Variants in PLAC8L1 observed in about 807,000 individuals in gnomAD.
PLAC8L1 encodes the protein PLAC8-like protein 1.
A neutral mutation model predicts 16.3 loss-of-function variants in PLAC8L1; 13 were observed. That is an observed-to-expected ratio of 0.80 (90% CI 0.52 to 1.27). The LOEUF (loss-of-function observed/expected upper bound fraction) is 1.27, where lower values mean the gene tolerates loss of function less well. Ranked by LOEUF, PLAC8L1 falls within the 50% of genes most tolerant of loss-of-function variation. The probability of loss-of-function intolerance (pLI) is 0.00; values close to 1 mark genes in which losing one functional copy is unlikely to be tolerated. For missense variants in PLAC8L1, 184 were observed against 220.2 expected (o/e 0.84, Z 1.04); for synonymous variants, 78 against 79.3 (o/e 0.98, Z 0.09).
intron 2 of PLAC8L1, among the ~76,000 whole-genome samples, chr5:146,090,434 T>C (rs930489343): frequency 3.4e-5 from 5 of 148,254 alleles, no homozygotes; most frequent in African/African-American, 5.0e-5. Context: ...ACTCAGGAGG[T>C]TGAGGTGGAA....
At position 146,086,024 on chromosome 5, in the gene PLAC8L1, C is replaced by CTTTTTTT. The variant is rs58130114; in HGVS notation, c.257-434_257-428dup. ...ATTTCTATAAGTGTAATTGAAAGGT[C>CTTTTTTT]TTTTTTTTTTTTTTTTTTTTTTTGA... On this transcript the variant is annotated intron_variant, in intron 2 of 3. Transcript: ENST00000311450. Among the ~76,000 whole-genome samples the CTTTTTTT allele has an allele frequency of 9.5e-3, 862 of 90,384 alleles. 38 individuals carry two copies. Among genetic ancestry groups the CTTTTTTT allele is most frequent in the Non-Finnish European group, 0.012 (583 of 49,930 alleles). The allele number at this position is 90,384 out of a possible 152,430, so 59.3% of individuals were successfully genotyped here. A position where few individuals can be genotyped will look rare whatever the true frequency, so the allele number is the denominator to read the frequency against.
Position 146,097,749 on chromosome 5 carries a change from T to G in PLAC8L1, c.256+407A>C, listed in dbSNP as rs761533547. 2.8e-4 allele frequency among the ~76,000 whole-genome samples: 43 copies of G among 152,348 alleles called. No individual in the cohort carries two copies. In the Middle Eastern group the frequency reaches 0.017, roughly 60 times the overall value. On this transcript the variant is annotated intron_variant, in intron 2 of 3. Transcript: ENST00000311450. ...AAATTTAATGTTCCTGCTAAATCTT[T>G]GCACATGATTTATTTCCTTAAACTC...
intron 2 of PLAC8L1, among the ~76,000 whole-genome samples, chr5:146,091,826 GA>G (rs1410031697): frequency 6.6e-6 from 1 of 151,932 alleles, no homozygotes; most frequent in Admixed American, 6.6e-5. Context: ...ACAATTAAAA[GA>G]AGGGAAATGA....
At chr5:146,091,705 G>A (rs1046139139) in intron 2 of PLAC8L1, among the ~76,000 whole-genome samples, 1 of 152,066 alleles carries the variant, frequency 6.6e-6, no homozygotes, top group Non-Finnish European at 1.5e-5. Flanking sequence ...TAGAGGCTGA[G>A]GCAAGAGGAT....
rs111901335 is a variant in PLAC8L1, at chr5:146,087,832, T to G, written c.257-2235A>C. On this transcript the variant is annotated intron_variant, in intron 2 of 3. Coordinates refer to ENST00000311450, the MANE Select transcript of PLAC8L1 (RefSeq NM_001029869.3). ...TGCTTCTGGGGAGGCCTCAGAAAAC[T>G]TACAAACATGGTGGAAGGCTAAGGA... Among the ~76,000 whole-genome samples the G allele has an allele frequency of 2.6e-3, 392 of 152,274 alleles. 2 individuals are homozygous for G. The highest frequency in any genetic ancestry group is 8.7e-3 in the African/African-American group (360 of 41,548).
chr5:146,091,471 AT>A (rs1394573630), intron 2 of PLAC8L1, among the ~76,000 whole-genome samples: 2 of 152,208 alleles, frequency 1.3e-5, no homozygotes, highest in Non-Finnish European at 2.9e-5. Context: ...GCACAGCATA[AT>A]ACATAATACC....
rs1228008314 is a variant in PLAC8L1, at chr5:146,092,816, G to A, written c.256+5340C>T. ...CTCCCAAAGTGCTGGGATTACAGGC[G>A]AGAGCCACCGCACCCGGCCGAATTT... On this transcript the variant is annotated intron_variant, in intron 2 of 3. Coordinates refer to ENST00000311450, the MANE Select transcript of PLAC8L1 (RefSeq NM_001029869.3). 2.6e-5 allele frequency among the ~76,000 whole-genome samples: 4 copies of A among 152,166 alleles called. No homozygotes were observed. In the South Asian group the frequency reaches 6.2e-4, roughly 24 times the overall value.
intron 2 of PLAC8L1, among the ~76,000 whole-genome samples, chr5:146,094,859 C>G (rs985750532): frequency 6.6e-5 from 10 of 152,144 alleles, no homozygotes; most frequent in African/African-American, 2.4e-4. Context: ...CAAATTGTAG[C>G]AATAATTCTC....
chr5:146,086,913 A>G (rs2024057), intron 2 of PLAC8L1, among the ~76,000 whole-genome samples: 33,994 of 152,148 alleles, frequency 0.22, 4,864 homozygotes, highest in Admixed American at 0.34. Context: ...ATATATAAGA[A>G]AATGCACAGG....
chr5:146,090,045 CTTT>C (rs2150034382), intron 2 of PLAC8L1, among the ~76,000 whole-genome samples: 1 of 151,916 alleles, frequency 6.6e-6, no homozygotes, highest in South Asian at 2.1e-4. Context: ...GCCTCAACTT[CTTT>C]AAGGAAGATC....
intron 2 of PLAC8L1, among the ~76,000 whole-genome samples, chr5:146,094,772 A>T (rs1173326374): frequency 1.3e-5 from 2 of 152,256 alleles, no homozygotes; most frequent in African/African-American, 4.8e-5. Context: ...CATAATTACA[A>T]TAAAATGAAG....
At chr5:146,092,690 C>T (rs960872874) in intron 2 of PLAC8L1, among the ~76,000 whole-genome samples, 18 of 151,862 alleles carry the variant, frequency 1.2e-4, no homozygotes, top group Non-Finnish European at 2.1e-4. Flanking sequence ...TGCAGGAGCC[C>T]GCCACCACGC....
rs1057161783 is a variant in PLAC8L1, at chr5:146,104,923, C to A, written c.-612G>T. On this transcript the variant is annotated 5_prime_UTR_variant, in exon 1 of 4. Coordinates refer to ENST00000311450, the MANE Select transcript of PLAC8L1 (RefSeq NM_001029869.3). Reference sequence around the variant, plus strand: ...TAGAAATTCTCTGCTCTTCCATTAACTTCATTGATAATGCCAGGAAAGTGG... The same window carrying A: ...TAGAAATTCTCTGCTCTTCCATTAAATTCATTGATAATGCCAGGAAAGTGG... The A allele has an allele frequency of 2.0e-5, 3 of 152,348 alleles. No homozygotes were observed. Among genetic ancestry groups the A allele is most frequent in the African/African-American group, 7.2e-5 (3 of 41,452 alleles). 9.4% of individuals were successfully genotyped at this position (152,348 alleles called of 1,614,324 possible).
At chr5:146,090,534 A>AAAAACAAAACAAAAC (rs71581853) in intron 2 of PLAC8L1, among the ~76,000 whole-genome samples, 2,362 of 149,770 alleles carry the variant, frequency 0.016, 31 homozygotes, top group Middle Eastern at 0.034. Context: ...GACCGTCTCA[A>AAAAACAAAACAAAAC]AAAACAAAAC....
At chr5:146,085,397 G>C (rs1181766404) in intron 3 of PLAC8L1, 64 bp downstream of exon 3, 1 of 1,514,330 alleles carries the variant, frequency 6.6e-7, no homozygotes, top group Non-Finnish European at 9.0e-7. Flanking sequence ...GAAAATCACA[G>C]GTTTGGAAGG....
intron 3 of PLAC8L1, 138 bp from the exon 4 acceptor site, chr5:146,084,710 G>T: frequency 1.8e-6 from 2 of 1,114,650 alleles, no homozygotes; most frequent in Non-Finnish European, 2.5e-6. Context: ...AATGCCCAGG[G>T]ACACTAAGTT....
In PLAC8L1 at chr5:146,105,573, C is replaced by G. The variant is rs1763895327; in HGVS notation, c.-1262G>C. ...ACAGAAATTAAGAGGTGATTACTAG[C>G]TTTGCAAAAAAAAAAAAAAAAAAAA... On this transcript the variant is annotated 5_prime_UTR_variant, in exon 1 of 4. Coordinates refer to ENST00000311450, the MANE Select transcript of PLAC8L1 (RefSeq NM_001029869.3). 1.6e-5 allele frequency among the ~76,000 whole-genome samples: 1 copy of G among 62,008 alleles called. No individual in the cohort carries two copies. Among genetic ancestry groups the G allele is most frequent in the African/African-American group, 5.7e-5 (1 of 17,432 alleles). 40.7% of individuals were successfully genotyped at this position (62,008 alleles called of 152,430 possible). A position where few individuals can be genotyped will look rare whatever the true frequency, so the allele number is the denominator to read the frequency against.
At chr5:146,097,041 T>C (rs1383112427) in intron 2 of PLAC8L1, among the ~76,000 whole-genome samples, 1 of 152,146 alleles carries the variant, frequency 6.6e-6, no homozygotes, top group Non-Finnish European at 1.5e-5. Flanking sequence ...CAAAAATATT[T>C]TACCCAGGGT....
At chr5:146,089,381 CTATG>C (rs1561782697) in intron 2 of PLAC8L1, among the ~76,000 whole-genome samples, 1 of 152,126 alleles carries the variant, frequency 6.6e-6, no homozygotes, top group Admixed American at 6.6e-5. Context: ...ACAGAGTTCA[CTATG>C]TACCAAGCCC....
Sources: allele counts gnomAD v4.1 joint callset (sites outside exome capture counted in the v4.1 genomes callset), GRCh38; gene constraint gnomAD v4.1.1; transcripts MANE v1.5; gene names NCBI Gene and HGNC (gene_info 2026-07-23, HGNC 2026-07-21).